Variants in ITIH4 observed in about 807,000 individuals in gnomAD.
The protein encoded by ITIH4 is inter-alpha-trypsin inhibitor heavy chain 4.
ITIH4 carries 79 observed loss-of-function variants against 111.8 expected under a neutral mutation model. The ratio of observed to expected loss-of-function variants is 0.71; its 90% CI spans 0.59 to 0.85. The LOEUF (loss-of-function observed/expected upper bound fraction) is 0.85, where lower values mean the gene tolerates loss of function less well. ITIH4 is among the 40% of genes least tolerant of loss of function. ITIH4 has a pLI of 0.00. For synonymous variants in ITIH4, 472 were observed against 468.3 expected, an observed-to-expected ratio of 1.01 and a Z score of -0.10; for missense variants, 1,065 against 1,195.8, an observed-to-expected ratio of 0.89 and a Z score of 1.61.
intron 20 of ITIH4, 95 bp from the exon 21 acceptor site, chr3:52,817,153 T>C (rs1700293339): frequency 9.7e-7 from 1 of 1,031,834 alleles, no homozygotes; most frequent in South Asian, 1.6e-5. Context: ...CCCCCTGGAG[T>C]TCTGCAGCAG....
At position 52,819,388 on chromosome 3, in the gene ITIH4, C is replaced by T. The variant is rs373467085; in HGVS notation, c.2077+5G>A. 3.1e-6 allele frequency: 5 copies of T among 1,613,842 alleles called. No individual in the cohort carries two copies. The African/African-American group carries it at 6.7e-5, about 22-fold the overall frequency. On this transcript the variant is annotated splice_donor_5th_base_variant and intron_variant, in intron 17 of 23. Coordinates refer to ENST00000266041, the MANE Select transcript of ITIH4 (RefSeq NM_002218.5). ...AGGCCCTCGCAGGGCCGGAAGGCAG[C>T]TTACAGATGGCCAGACGGCGGAAGG...
rs746721364 is a variant in ITIH4 at position 52,818,184 on chromosome 3, C to T, written c.2180-16G>A. On this transcript the variant is annotated splice_polypyrimidine_tract_variant and intron_variant, in intron 19 of 23. Coordinates refer to ENST00000266041, the MANE Select transcript of ITIH4 (RefSeq NM_002218.5). ...TGTATGGGGGCTGGGACAGCCGGGG[C>T]ACGGCTCCTGGAGCAGGAAGGGCAG... The T allele has an allele frequency of 3.1e-6, 5 of 1,603,036 alleles. No homozygotes were observed. The highest frequency in any genetic ancestry group is 2.2e-5 in the East Asian group (1 of 44,664).
Position 52,824,406 on chromosome 3 carries a change from C to T in ITIH4, c.1036G>A (p.Ala346Thr). The change falls in exon 8 of 24, where the codon GCC (alanine) becomes ACC (threonine). Residue 346 changes from alanine (A) to threonine (T), a missense_variant. Physicochemically the swap from Ala to Thr is moderately conservative, Grantham distance 58. Transcript: ENST00000266041. The surrounding 1 kb of genome is among the most constrained non-coding windows in gnomAD (Gnocchi z 4.3). ...CCACAGAGACACTTACCTCCCAGGG[C>T]CTGGATGCCCGCAGCAAAGCTCCTG... ...KARSFAAGIQ[A>T]LGGTNINDAM... The T allele has an allele frequency of 1.9e-6, 3 of 1,614,106 alleles. No homozygotes were observed. The highest frequency in any genetic ancestry group is 1.7e-6 in the Non-Finnish European group (2 of 1,180,004).
Position 52,824,168 on chromosome 3 carries a change from G to C in ITIH4, c.1171+22C>G, listed in dbSNP as rs759134964. ...CGCCTCCCCTGTGCAGCACGTCCTG[G>C]AGTCACGGGCAGGGCCCTCACCCAC... is the stretch of plus-strand genomic sequence containing the variant. On this transcript the variant is annotated intron_variant, in intron 9 of 23. Transcript: ENST00000266041. The surrounding 1 kb of genome is among the most constrained non-coding windows in gnomAD (Gnocchi z 4.3). The C allele has an allele frequency of 2.5e-6, 4 of 1,612,086 alleles. No individual in the cohort carries two copies. The South Asian group carries it at 4.4e-5, about 18-fold the overall frequency.
chr3:52,829,715 G>C (rs913412913), intron 1 of ITIH4: 8 of 158,102 alleles, frequency 5.1e-5, no homozygotes, highest in African/African-American at 1.9e-4. Flanking sequence ...GCAGTGACCA[G>C]GTCCTTTGAT....
Position 52,829,109 on chromosome 3 carries a change from A to G in ITIH4, c.251+10T>C, listed in dbSNP as rs1462250495. The G allele has an allele frequency of 6.2e-7, 1 of 1,600,132 alleles. No individual in the cohort carries two copies. Among genetic ancestry groups the G allele is most frequent in the East Asian group, 2.3e-5 (1 of 44,380 alleles). On this transcript the variant is annotated intron_variant, in intron 2 of 23. Coordinates refer to ENST00000266041, the MANE Select transcript of ITIH4 (RefSeq NM_002218.5). ...GTGTGGAGAGGGGAGGAGGGTGGGA[A>G]GGCACCTACATGGAGAAGTTGGTGA...
rs1001834263 is a variant in ITIH4 at position 52,830,643 on chromosome 3, C to T, written c.-1G>A. On this transcript the variant is annotated 5_prime_UTR_variant, in exon 1 of 24. Coordinates refer to ENST00000266041, the MANE Select transcript of ITIH4 (RefSeq NM_002218.5). Reference sequence around the variant, plus strand: ...TACGGACAGGCCTTGGGGGCTTCATCGTGGCTCCAGTGTCTGCCAGGAGGC... The same window carrying T: ...TACGGACAGGCCTTGGGGGCTTCATTGTGGCTCCAGTGTCTGCCAGGAGGC... 5 of 1,603,404 alleles carry T rather than the reference C, an allele frequency of 3.1e-6. No homozygotes were observed. Among genetic ancestry groups the T allele is most frequent in the Admixed American group, 1.7e-5 (1 of 59,516 alleles).
chr3:52,824,490 C>T lies in ITIH4; in HGVS notation c.952G>A (p.Glu318Lys). 11 of 1,614,164 alleles carry T rather than the reference C, an allele frequency of 6.8e-6. No homozygotes were observed. The highest frequency in any genetic ancestry group is 9.3e-6 in the Non-Finnish European group (11 of 1,180,046). Residue 318 changes from glutamate to lysine, a missense_variant, in exon 8 of 24, where the codon GAA (glutamate) becomes AAA (lysine). Transcript: ENST00000266041. This position sits in a 1 kb window ranked among gnomAD's most constrained non-coding sequence, Gnocchi z 4.3. ...DQFNLIVFSTEATQWRPSLVP... is the reference protein window; with the variant it reads ...DQFNLIVFSTKATQWRPSLVP... ...AGTGATGGCCTCCACTGAGTTGCTT[C>T]TGTACTGAAGACGATGAGGTTGAAC...
chr3:52,824,215 C>T lies in ITIH4; in HGVS notation c.1146G>A (p.Leu382=). 1 of 1,613,406 alleles carries T rather than the reference C, an allele frequency of 6.2e-7. No individual in the cohort carries two copies. The highest frequency in any genetic ancestry group is 8.5e-7 in the Non-Finnish European group (1 of 1,180,014). The change falls in exon 9 of 24, where the codon CTG becomes CTA. Residue 382 remains leucine, a synonymous_variant. Transcript: ENST00000266041. This position sits in a 1 kb window ranked among gnomAD's most constrained non-coding sequence, Gnocchi z 4.3. ...LPEGSVSLII[L]LTDGDPTVGE... is the part of the protein sequence containing the mutation. ...CCACAGTGGGGTCGCCATCGGTGAG[C>T]AGGATGATGAGTGAGACACTCCCTT...
In ITIH4 at chr3:52,820,308, T is replaced by C; in HGVS notation, c.1844A>G (p.Asn615Ser). The part of the protein sequence containing the change: ...AEKPMEGESR[N>S]RNVHSGSTFF... ...CTGCTTACCTGAGTGGACATTCCTG[T>C]TTCTACTTTCTGGATAAAACAAAGA... The change falls in exon 14 of 24, where the codon AAC (asparagine) becomes AGC (serine). Residue 615 changes from asparagine to serine, a missense_variant. By Grantham distance (46) the Asn-to-Ser change is conservative (BLOSUM62 1). Transcript: ENST00000266041. 1 of 1,614,010 alleles carries C rather than the reference T, an allele frequency of 6.2e-7. No homozygotes were observed. The highest frequency in any genetic ancestry group is 8.5e-7 in the Non-Finnish European group (1 of 1,179,986).
Position 52,817,059 on chromosome 3 carries a change from C to G in ITIH4, c.2297-1G>C, listed in dbSNP as rs1214082560. ...TCATACTGGCCAGTCACCTCAACCCCTGGGAGGACCAGACCAGAGAGGTCA... is the reference window on the plus strand; with the variant it reads ...TCATACTGGCCAGTCACCTCAACCCGTGGGAGGACCAGACCAGAGAGGTCA... On this transcript the variant is annotated splice_acceptor_variant, in intron 20 of 23. Coordinates refer to ENST00000266041, the MANE Select transcript of ITIH4 (RefSeq NM_002218.5). LOFTEE classifies it high-confidence loss of function. The G allele has an allele frequency of 1.9e-6, 3 of 1,612,274 alleles. No individual in the cohort carries two copies. The highest frequency in any genetic ancestry group is 2.5e-6 in the Non-Finnish European group (3 of 1,179,158).
At chr3:52,816,749 T>C in intron 21 of ITIH4, 135 bp downstream of exon 21, 1 of 844,524 alleles carries the variant, frequency 1.2e-6, no homozygotes, top group South Asian at 1.6e-5. Context: ...GGCAGGGCTC[T>C]TGTCTCTTTG....
chr3:52,813,211 C>T lies in ITIH4; in HGVS notation c.*210G>A. 1.8e-6 allele frequency: 1 copy of T among 569,344 alleles called. No individual in the cohort carries two copies. Among genetic ancestry groups the T allele is most frequent in the Non-Finnish European group, 3.2e-6 (1 of 316,834 alleles). 35.3% of individuals were successfully genotyped at this position (569,344 alleles called of 1,614,324 possible). A position where few individuals can be genotyped will look rare whatever the true frequency, so the allele number is the denominator to read the frequency against. ...AGCTGACAGTGGAAGCTTCTGTGTT[C>T]CACGATGCTAAGGTTCAGGATGCGA... On this transcript the variant is annotated 3_prime_UTR_variant, in exon 24 of 24. Transcript: ENST00000266041.
At chr3:52,815,829 G>A (rs976078654) in intron 21 of ITIH4, among the ~76,000 whole-genome samples, 1 of 151,352 alleles carries the variant, frequency 6.6e-6, no homozygotes, top group African/African-American at 2.4e-5. Context: ...GGGATTACAG[G>A]TGCCCGCCAC....
rs1700528685 is a variant in ITIH4, at chr3:52,829,129, T to G, written c.241A>C (p.Asn81His). 1 of 1,607,474 alleles carries G rather than the reference T, an allele frequency of 6.2e-7. No homozygotes were observed. The highest frequency in any genetic ancestry group is 8.5e-7 in the Non-Finnish European group (1 of 1,174,818). The stretch of plus-strand genomic sequence containing the variant: ...TGGGAAGGCACCTACATGGAGAAGT[T>G]GGTGATGAAGGCTTTCTTGGGCAGC... ...MELPKKAFIT[N>H]FSMIIDGMTY... Residue 81 changes from asparagine to histidine, a missense_variant, in exon 2 of 24, where the codon AAC (asparagine) becomes CAC (histidine). Asn to His is a moderately conservative substitution (Grantham distance 68, BLOSUM62 1). Transcript: ENST00000266041.
chr3:52,826,218 T>G (rs1700477487), intron 5 of ITIH4, among the ~76,000 whole-genome samples: 1 of 152,238 alleles, frequency 6.6e-6, no homozygotes, highest in African/African-American at 2.4e-5. Context: ...TTCCTGGAGC[T>G]GCGCAAGCAG....
At chr3:52,823,793 C>T in intron 10 of ITIH4, 30 bp downstream of exon 10, 2 of 1,613,810 alleles carry the variant, frequency 1.2e-6, no homozygotes, top group Non-Finnish European at 1.7e-6. Context: ...GCCCACTTCT[C>T]TGTGCAGCCC....
Position 52,814,080 on chromosome 3 carries a change from C to CA in ITIH4, c.2627-10dup, listed in dbSNP as rs1559476968. 1.2e-6 allele frequency: 2 copies of CA among 1,613,384 alleles called. No individual in the cohort carries two copies. Among genetic ancestry groups the CA allele is most frequent in the Admixed American group, 3.3e-5 (2 of 59,964 alleles). On this transcript the variant is annotated splice_polypyrimidine_tract_variant and intron_variant, in intron 22 of 23. Coordinates refer to ENST00000266041, the MANE Select transcript of ITIH4 (RefSeq NM_002218.5). ...CTCCTGGTAAAACTGGCCTGAGATA[C>CA]AAAGGGTGGATCAGTAAGGGTCAGA...
chr3:52,823,322 TC>T lies in ITIH4; in HGVS notation c.1539+233del, dbSNP rs1700418630. 3 of 543,936 alleles carry T rather than the reference TC, an allele frequency of 5.5e-6. No individual in the cohort carries two copies. In the East Asian group the frequency reaches 9.1e-5, roughly 17 times the overall value. 33.7% of individuals were successfully genotyped at this position (543,936 alleles called of 1,614,324 possible). On this transcript the variant is annotated intron_variant, in intron 11 of 23. Transcript: ENST00000266041. ...GGAAGGGATGACAACTAGGGAGGAA[TC>T]CCTGCCCTCACCTGTGCTTGCAGGT...
Sources: gnomAD v4.1 joint callset for allele counts (sites outside exome capture counted in the v4.1 genomes callset) on GRCh38, gnomAD v4.1.1 for gene constraint, Gnocchi (gnomAD v3.1) non-coding constraint, MANE v1.5 for transcripts, NCBI Gene and HGNC (gene_info 2026-07-23, HGNC 2026-07-21) for gene names.